HEPACAM: variants seen among roughly 807,000 people sequenced by gnomAD.
HEPACAM encodes hepatocyte cell adhesion molecule.
Under a neutral mutation model 38.3 loss-of-function variants are expected in HEPACAM, and 18 were observed. The ratio of observed to expected loss-of-function variants is 0.47; its 90% confidence interval spans 0.33 to 0.70. The LOEUF is 0.70. Among genes scored for constraint, HEPACAM ranks in the 30% least tolerant of loss-of-function variants. The probability of loss-of-function intolerance (pLI) is 0.03; values close to 1 mark genes in which losing one functional copy is unlikely to be tolerated. For synonymous variants in HEPACAM, 216 were observed against 243.1 expected, an observed-to-expected ratio of 0.89 and a Z score of 1.04; for missense variants, 466 against 563.0, an observed-to-expected ratio of 0.83 and a Z score of 1.74.
In HEPACAM at chr11:124,924,005, T is replaced by C; in HGVS notation, c.433A>G (p.Ile145Val). ...GCCACCAACACCTGTGGCCTCGAAA[T>C]GGGCACTGAGCCGCAGGAATGGGGG... ...KTINLTVDVPISRPQVLVAST... is the reference protein window; with the variant it reads ...KTINLTVDVPVSRPQVLVAST... Residue 145 changes from isoleucine (I) to valine (V), a missense_variant, in exon 3 of 7, where the codon ATT becomes GTT. Physicochemically the swap from Ile to Val is conservative, Grantham distance 29. Coordinates refer to ENST00000298251, the MANE Select transcript of HEPACAM (RefSeq NM_152722.5). This position sits in a 1 kb window ranked among gnomAD's most constrained non-coding sequence, Gnocchi z 4.4. 6.2e-7 allele frequency: 1 copy of C among 1,608,488 alleles called. No homozygotes were observed. Among genetic ancestry groups the C allele is most frequent in the Non-Finnish European group, 8.5e-7 (1 of 1,179,268 alleles).
intron 3 of HEPACAM, 64 bp downstream of exon 3, chr11:124,923,665 T>TC: frequency 1.3e-6 from 2 of 1,589,606 alleles, no homozygotes; most frequent in Non-Finnish European, 1.7e-6. Flanking sequence ...ATGTCCTCAG[T>TC]CCCTCATGGT....
intron 1 of HEPACAM, among the ~76,000 whole-genome samples, chr11:124,934,447 T>C (rs1591554446): frequency 6.6e-6 from 1 of 150,490 alleles, no homozygotes; most frequent in African/African-American, 2.5e-5. Context: ...TAAGAAGGGA[T>C]CATACTGGAG....
chr11:124,921,228 G>C lies in HEPACAM; in HGVS notation c.1161C>G (p.Arg387=), dbSNP rs1460555868. Residue 387 remains arginine (R), a synonymous_variant, in exon 7 of 7, where the codon CGC becomes CGG. Transcript: ENST00000298251. The surrounding 1 kb of genome is among the most constrained non-coding windows in gnomAD (Gnocchi z 4.6). The part of the protein sequence containing the change: ...SPPRAPSSPG[R]SRSASRTLRT... ...GCAGTGTGCGCGAGGCGCTGCGCGA[G>C]CGGCCGGGCGAGCTCGGGGCCCTGG... The C allele has an allele frequency of 3.4e-6, 5 of 1,470,586 alleles. No homozygotes were observed. The highest frequency in any genetic ancestry group is 9.0e-7 in the Non-Finnish European group (1 of 1,117,208). 91.1% of individuals were successfully genotyped at this position (1,470,586 alleles called of 1,614,324 possible).
In HEPACAM at chr11:124,920,948, A is replaced by G. The variant is rs1947123840; in HGVS notation, c.*190T>C. The G allele has an allele frequency of 1.5e-6, 2 of 1,361,564 alleles. No individual in the cohort carries two copies. The highest frequency in any genetic ancestry group is 3.0e-5 in the East Asian group (1 of 33,542). The allele number at this position is 1,361,564 out of a possible 1,614,324, so 84.3% of individuals were successfully genotyped here. A position where few individuals can be genotyped will look rare whatever the true frequency, so the allele number is the denominator to read the frequency against. On this transcript the variant is annotated 3_prime_UTR_variant, in exon 7 of 7. Transcript: ENST00000298251. ...AGCAAATGCGACCCGGTTTCACCAT[A>G]TCAACACTGCCGCCTCCGCGCACCC...
intron 1 of HEPACAM, among the ~76,000 whole-genome samples, chr11:124,928,069 A>AT (rs758784358): frequency 6.6e-6 from 1 of 152,176 alleles, no homozygotes; most frequent in Non-Finnish European, 1.5e-5. Flanking sequence ...CTTTCTTCCC[A>AT]CAAAATCTTA....
At chr11:124,927,184 C>G (rs1003578384) in intron 1 of HEPACAM, among the ~76,000 whole-genome samples, 4 of 151,742 alleles carry the variant, frequency 2.6e-5, no homozygotes, top group Non-Finnish European at 4.4e-5. Context: ...CATATTAGAT[C>G]CATTTTTGGA....
Position 124,921,116 on chromosome 11 carries a change from T to G in HEPACAM, c.*22A>C, listed in dbSNP as rs1372008871. On this transcript the variant is annotated 3_prime_UTR_variant, in exon 7 of 7. Coordinates refer to ENST00000298251, the MANE Select transcript of HEPACAM (RefSeq NM_152722.5). The surrounding 1 kb of genome is among the most constrained non-coding windows in gnomAD (Gnocchi z 4.6). ...CCACTGGCCGCAGACCGCGGGCGCCTCTCAGGGGATCCCGAGGCGGCTCAG... is the reference window on the plus strand; with the variant it reads ...CCACTGGCCGCAGACCGCGGGCGCCGCTCAGGGGATCCCGAGGCGGCTCAG... 4 of 1,523,492 alleles carry G rather than the reference T, an allele frequency of 2.6e-6. No individual in the cohort carries two copies. The South Asian group carries it at 4.8e-5, about 18-fold the overall frequency. 94.4% of individuals were successfully genotyped at this position (1,523,492 alleles called of 1,614,324 possible).
chr11:124,920,708 A>AAAAAAAAAAT lies in HEPACAM; in HGVS notation c.*429_*430insATTTTTTTTT. The AAAAAAAAAAT allele has an allele frequency of 9.9e-7, 1 of 1,011,582 alleles. No individual in the cohort carries two copies. Among genetic ancestry groups the AAAAAAAAAAT allele is most frequent in the African/African-American group, 1.9e-5 (1 of 52,194 alleles). 62.7% of individuals were successfully genotyped at this position (1,011,582 alleles called of 1,614,324 possible). A position where few individuals can be genotyped will look rare whatever the true frequency, so the allele number is the denominator to read the frequency against. ...AAAAAAAAAAAAAAAAAAAAAAAAA[A>AAAAAAAAAAT]AGTGCCCCAGCACTCAGGCATTTGT... On this transcript the variant is annotated 3_prime_UTR_variant, in exon 7 of 7. Transcript: ENST00000298251.
At position 124,924,158 on chromosome 11, in the gene HEPACAM, G is replaced by T; in HGVS notation, c.428-148C>A. 1 of 773,266 alleles carries T rather than the reference G, an allele frequency of 1.3e-6. No individual in the cohort carries two copies. The highest frequency in any genetic ancestry group is 2.2e-6 in the Non-Finnish European group (1 of 464,962). 47.9% of individuals were successfully genotyped at this position (773,266 alleles called of 1,614,324 possible). On this transcript the variant is annotated intron_variant, in intron 2 of 6. Coordinates refer to ENST00000298251, the MANE Select transcript of HEPACAM (RefSeq NM_152722.5). This position sits in a 1 kb window ranked among gnomAD's most constrained non-coding sequence, Gnocchi z 4.4. Reference sequence around the variant, plus strand: ...GAAGACTTCAGACATCCTAAGTCCAGTTCTTTCCCATCGCTTATTCATTCG... The same window carrying T: ...GAAGACTTCAGACATCCTAAGTCCATTTCTTTCCCATCGCTTATTCATTCG...
intron 1 of HEPACAM, among the ~76,000 whole-genome samples, chr11:124,928,490 T>G (rs1000755140): frequency 6.6e-6 from 1 of 152,158 alleles, no homozygotes; most frequent in Non-Finnish European, 1.5e-5. Flanking sequence ...AAGGGTTACA[T>G]GTGCAGAGCC....
Position 124,920,353 on chromosome 11 carries a change from C to A in HEPACAM, c.*785G>T. ...ATTCACTTCTCTATAAGAATAAGCC[C>A]ATCCATCTCTTTTATTCATGAACAG... is the stretch of plus-strand genomic sequence containing the variant. On this transcript the variant is annotated 3_prime_UTR_variant, in exon 7 of 7. Transcript: ENST00000298251. 6.6e-7 allele frequency: 1 copy of A among 1,513,140 alleles called. No homozygotes were observed. Among genetic ancestry groups the A allele is most frequent in the Non-Finnish European group, 9.0e-7 (1 of 1,117,206 alleles). 93.7% of individuals were successfully genotyped at this position (1,513,140 alleles called of 1,614,324 possible). A position where few individuals can be genotyped will look rare whatever the true frequency, so the allele number is the denominator to read the frequency against.
chr11:124,922,787 G>T lies in HEPACAM; in HGVS notation c.835C>A (p.Leu279Met). 6.2e-7 allele frequency: 1 copy of T among 1,614,194 alleles called. No individual in the cohort carries two copies. The highest frequency in any genetic ancestry group is 1.3e-5 in the African/African-American group (1 of 75,036). Residue 279 changes from leucine to methionine, a missense_variant, in exon 5 of 7, where the codon CTG becomes ATG. Physicochemically the swap from Leu to Met is conservative, Grantham distance 15. Coordinates refer to ENST00000298251, the MANE Select transcript of HEPACAM (RefSeq NM_152722.5). Reference protein sequence around the residue: ...KQKKLEKQNSLEYMDQNDDRL... With the variant: ...KQKKLEKQNSMEYMDQNDDRL... ...TCATCATTCTGATCCATGTATTCCA[G>T]GGAGTTTTGCTTTTCTAGCTTCTTC...
intron 1 of HEPACAM, among the ~76,000 whole-genome samples, chr11:124,931,278 C>T (rs1009208251): frequency 2.0e-5 from 3 of 152,060 alleles, no homozygotes; most frequent in African/African-American, 7.2e-5. Flanking sequence ...TGTGATCATA[C>T]CTCACTGCAG....
chr11:124,923,636 C>A, intron 3 of HEPACAM, 93 bp downstream of exon 3: 1 of 1,497,158 alleles, frequency 6.7e-7, no homozygotes, highest in Non-Finnish European at 9.2e-7. Flanking sequence ...TCCCCTCCCC[C>A]CAGTGACATT....
Position 124,920,042 on chromosome 11 carries a change from G to T in HEPACAM, c.*1096C>A. The stretch of plus-strand genomic sequence containing the variant: ...ATTAGGGAGTCTGCCCTTTTTCTGT[G>T]CCCTGGGACCTGAGCATGTGGGAGC... On this transcript the variant is annotated 3_prime_UTR_variant, in exon 7 of 7. Coordinates refer to ENST00000298251, the MANE Select transcript of HEPACAM (RefSeq NM_152722.5). 1 of 1,604,872 alleles carries T rather than the reference G, an allele frequency of 6.2e-7. No individual in the cohort carries two copies. Among genetic ancestry groups the T allele is most frequent in the Non-Finnish European group, 8.5e-7 (1 of 1,175,130 alleles).
chr11:124,922,173 C>T (rs1443274798), intron 6 of HEPACAM, among the ~76,000 whole-genome samples: 1 of 152,186 alleles, frequency 6.6e-6, no homozygotes, highest in Non-Finnish European at 1.5e-5. Context: ...TTAAGAGAAT[C>T]CAATGCCTGA....
intron 1 of HEPACAM, among the ~76,000 whole-genome samples, chr11:124,933,008 C>T (rs1446453889): frequency 6.6e-6 from 1 of 151,984 alleles, no homozygotes; most frequent in South Asian, 2.1e-4. Context: ...ATTTATTGGT[C>T]CCAGAAGCAA....
chr11:124,921,458 G>A lies in HEPACAM; in HGVS notation c.949-18C>T, dbSNP rs1431450615. 8.0e-7 allele frequency: 1 copy of A among 1,255,390 alleles called. No homozygotes were observed. The highest frequency in any genetic ancestry group is 1.0e-6 in the Non-Finnish European group (1 of 999,630). 77.8% of individuals were successfully genotyped at this position (1,255,390 alleles called of 1,614,324 possible). A position where few individuals can be genotyped will look rare whatever the true frequency, so the allele number is the denominator to read the frequency against. On this transcript the variant is annotated intron_variant, in intron 6 of 6. Coordinates refer to ENST00000298251, the MANE Select transcript of HEPACAM (RefSeq NM_152722.5). This position sits in a 1 kb window ranked among gnomAD's most constrained non-coding sequence, Gnocchi z 4.6. ...GGGGAGTCCTGCAAGGACACGCGCC[G>A]CAGGGGTCAGGGGACAGTCAGCCCA...
At position 124,920,167 on chromosome 11, in the gene HEPACAM, T is replaced by G. The variant is rs1037383882; in HGVS notation, c.*971A>C. 5 of 961,856 alleles carry G rather than the reference T, an allele frequency of 5.2e-6. No homozygotes were observed. The highest frequency in any genetic ancestry group is 4.7e-6 in the Non-Finnish European group (3 of 643,308). 59.6% of individuals were successfully genotyped at this position (961,856 alleles called of 1,614,324 possible). ...CTCCCCCCACCATTTCTCTGGAGAT[T>G]AGGACTTATTCTCACAGCTGGAGGA... On this transcript the variant is annotated 3_prime_UTR_variant, in exon 7 of 7. Transcript: ENST00000298251.
Sources: allele counts gnomAD v4.1 joint callset (sites outside exome capture counted in the v4.1 genomes callset), GRCh38; gene constraint gnomAD v4.1.1; non-coding constraint Gnocchi (gnomAD v3.1); transcripts MANE v1.5; gene names NCBI Gene and HGNC (gene_info 2026-07-23, HGNC 2026-07-21).